Variants in HTR1A observed in about 807,000 individuals in gnomAD.
HTR1A encodes the protein 5-HT1a receptor.
Under a neutral mutation model 24.6 loss-of-function variants are expected in HTR1A, and 17 were observed. The ratio of observed to expected loss-of-function variants is 0.69; its 90% CI spans 0.47 to 1.04. The LOEUF is 1.04. Among genes scored for constraint, HTR1A ranks in the 50% least tolerant of loss-of-function variants. The pLI is 0.00. For synonymous variants in HTR1A, 262 were observed against 244.6 expected, an observed-to-expected ratio of 1.07 and a Z score of -0.67; for missense variants, 515 against 565.1, an observed-to-expected ratio of 0.91 and a Z score of 0.90.
rs1408926821 is a variant in HTR1A, at chr5:63,959,293, C to A, written c.*1158G>T. ...TTAAAGCCTTCTTGGTCTCTCCAAT[C>A]CCAAGAGTTCCGCGGCATCTTGCGC... is the stretch of plus-strand genomic sequence containing the variant. On this transcript the variant is annotated 3_prime_UTR_variant, in exon 1 of 1. Coordinates refer to ENST00000323865, the MANE Select transcript of HTR1A (RefSeq NM_000524.4). Among the ~76,000 whole-genome samples the A allele has an allele frequency of 6.6e-6, 1 of 152,242 alleles. No homozygotes were observed. The highest frequency in any genetic ancestry group is 1.5e-5 in the Non-Finnish European group (1 of 68,046).
At position 63,961,296 on chromosome 5, in the gene HTR1A, T is replaced by C; in HGVS notation, c.424A>G (p.Ile142Val). The C allele has an allele frequency of 1.2e-6, 2 of 1,614,106 alleles. No individual in the cohort carries two copies. Among genetic ancestry groups the C allele is most frequent in the Non-Finnish European group, 1.7e-6 (2 of 1,179,976 alleles). Residue 142 changes from isoleucine to valine, a missense_variant, in exon 1 of 1, where the codon ATC (isoleucine) becomes GTC (valine). Transcript: ENST00000323865. Reference protein sequence around the residue: ...LDRYWAITDPIDYVNKRTPRR... With the variant: ...LDRYWAITDPVDYVNKRTPRR... ...GGCGTCCTCTTGTTCACGTAGTCGA[T>C]GGGGTCCGTGATGGCCCAGTACCTG...
chr5:63,960,962 C>T lies in HTR1A; in HGVS notation c.758G>A (p.Ser253Asn), dbSNP rs147211774. Residue 253 changes from serine to asparagine, a missense_variant, in exon 1 of 1, where the codon AGT (serine) becomes AAT (asparagine). Around this residue, in one of 3 missense-constraint regions of HTR1A, gnomAD observed 381 missense variants for 384.5 expected, o/e 0.99. Transcript: ENST00000323865. Reference sequence around the variant, plus strand: ...CCTGCTCCCCGACTCTCCATTCACACTCTTCTTGGGCTGCGGGGCGGGAGA... The same window carrying T: ...CCTGCTCCCCGACTCTCCATTCACATTCTTCTTGGGCTGCGGGGCGGGAGA... ...GASPAPQPKK[S>N]VNGESGSRNW... 4 of 1,614,214 alleles carry T rather than the reference C, an allele frequency of 2.5e-6. No individual in the cohort carries two copies. Among genetic ancestry groups the T allele is most frequent in the Non-Finnish European group, 3.4e-6 (4 of 1,180,048 alleles).
In HTR1A at chr5:63,959,532, C is replaced by A. The variant is rs1746380460; in HGVS notation, c.*919G>T. Among the ~76,000 whole-genome samples, 1 of 152,242 alleles carries A rather than the reference C, an allele frequency of 6.6e-6. No individual in the cohort carries two copies. The highest frequency in any genetic ancestry group is 1.5e-5 in the Non-Finnish European group (1 of 68,036). The stretch of plus-strand genomic sequence containing the variant: ...GGCGCCTCCCGCAGTAAGTAAGTGG[C>A]GATGTCAGGTCGTACACACTCGCCA... On this transcript the variant is annotated 3_prime_UTR_variant, in exon 1 of 1. Coordinates refer to ENST00000323865, the MANE Select transcript of HTR1A (RefSeq NM_000524.4).
rs751883662 is a variant in HTR1A at position 63,961,131 on chromosome 5, T to C, written c.589A>G (p.Ile197Val). The C allele has an allele frequency of 1.2e-6, 2 of 1,614,156 alleles. No homozygotes were observed. The highest frequency in any genetic ancestry group is 1.7e-6 in the Non-Finnish European group (2 of 1,180,024). ...TAGAAAGCTCCAAAGGTGGAATAGA[T>C]AGTGTAGCCATGATCCTTGCTAATG... ...CTISKDHGYT[I>V]YSTFGAFYIP... The change falls in exon 1 of 1, where the codon ATC becomes GTC. Residue 197 changes from isoleucine to valine, a missense_variant. Ile to Val is a conservative substitution (Grantham distance 29). Around this residue, in one of 3 missense-constraint regions of HTR1A, gnomAD observed 381 missense variants for 384.5 expected, o/e 0.99. Transcript: ENST00000323865.
At position 63,961,297 on chromosome 5, in the gene HTR1A, G is replaced by A. The variant is rs113419974; in HGVS notation, c.423C>T (p.Pro141=). 4.7e-4 allele frequency: 751 copies of A among 1,614,136 alleles called. 4 individuals are homozygous for A. In the East Asian group the frequency reaches 0.012, roughly 25 times the overall value. The change falls in exon 1 of 1, where the codon CCC becomes CCT. Residue 141 remains proline, a synonymous_variant. Transcript: ENST00000323865. ...ALDRYWAITD[P]IDYVNKRTPR... ...GCGTCCTCTTGTTCACGTAGTCGATGGGGTCCGTGATGGCCCAGTACCTGT... is the reference window on the plus strand; with the variant it reads ...GCGTCCTCTTGTTCACGTAGTCGATAGGGTCCGTGATGGCCCAGTACCTGT...
In HTR1A at chr5:63,959,844, G is replaced by A. The variant is rs1279531859; in HGVS notation, c.*607C>T. Among the ~76,000 whole-genome samples the A allele has an allele frequency of 6.6e-6, 1 of 152,198 alleles. No homozygotes were observed. The highest frequency in any genetic ancestry group is 6.5e-5 in the Admixed American group (1 of 15,288). ...ATCCCGGGGGCACCGCTGGCACGGG[G>A]AAAAGCAGCCTCTTCCGCCTCTCCG... On this transcript the variant is annotated 3_prime_UTR_variant, in exon 1 of 1. Transcript: ENST00000323865.
At position 63,961,616 on chromosome 5, in the gene HTR1A, T is replaced by A. The variant is rs936239418; in HGVS notation, c.104A>T (p.Tyr35Phe). 30 of 1,613,836 alleles carry A rather than the reference T, an allele frequency of 1.9e-5. No individual in the cohort carries two copies. The highest frequency in any genetic ancestry group is 2.5e-5 in the Non-Finnish European group (29 of 1,180,028). The change falls in exon 1 of 1, where the codon TAC (tyrosine) becomes TTC (phenylalanine). Residue 35 changes from tyrosine (Y) to phenylalanine (F), a missense_variant. Transcript: ENST00000323865. ...CAGCAGCAGAGAGGTGATCACTTGG[T>A]AGCTGACGGTCACGTCGGAGATACC... ...TTGISDVTVS[Y>F]QVITSLLLGT...
At position 63,961,400 on chromosome 5, in the gene HTR1A, A is replaced by T; in HGVS notation, c.320T>A (p.Val107Glu). ...GAGGGCGATGAACAGGTCGCAGGTT[A>T]CCTGGCCCAGTGTCCACTTGTTGAG... ...QVLNKWTLGQVTCDLFIALDV... is the reference protein window; with the variant it reads ...QVLNKWTLGQETCDLFIALDV... The change falls in exon 1 of 1, where the codon GTA (valine) becomes GAA (glutamate). Residue 107 changes from valine to glutamate, a missense_variant. Coordinates refer to ENST00000323865, the MANE Select transcript of HTR1A (RefSeq NM_000524.4). 1 of 1,613,806 alleles carries T rather than the reference A, an allele frequency of 6.2e-7. No homozygotes were observed. The highest frequency in any genetic ancestry group is 8.5e-7 in the Non-Finnish European group (1 of 1,179,828).
Position 63,961,122 on chromosome 5 carries a change from T to C in HTR1A, c.598A>G (p.Thr200Ala). ...AGCGGGATGTAGAAAGCTCCAAAGG[T>C]GGAATAGATAGTGTAGCCATGATCC... is the stretch of plus-strand genomic sequence containing the variant. ...SKDHGYTIYS[T>A]FGAFYIPLLL... The change falls in exon 1 of 1, where the codon ACC becomes GCC. Residue 200 changes from threonine (T) to alanine (A), a missense_variant. Physicochemically the swap from Thr to Ala is moderately conservative, Grantham distance 58. This residue lies in a region of HTR1A where 381 missense variants were observed against 384.5 expected (regional missense o/e 0.99). Coordinates refer to ENST00000323865, the MANE Select transcript of HTR1A (RefSeq NM_000524.4). The C allele has an allele frequency of 6.2e-7, 1 of 1,613,908 alleles. No individual in the cohort carries two copies. The highest frequency in any genetic ancestry group is 2.2e-5 in the East Asian group (1 of 44,852).
rs1175917615 is a variant in HTR1A, at chr5:63,961,415, C to T, written c.305G>A (p.Trp102Ter). 1 of 1,613,738 alleles carries T rather than the reference C, an allele frequency of 6.2e-7. No individual in the cohort carries two copies. The highest frequency in any genetic ancestry group is 8.5e-7 in the Non-Finnish European group (1 of 1,179,874). The change falls in exon 1 of 1, where the codon TGG becomes TAG. Residue 102 changes from tryptophan to a stop codon, truncating the protein, a stop_gained. Coordinates refer to ENST00000323865, the MANE Select transcript of HTR1A (RefSeq NM_000524.4). LOFTEE classifies it high-confidence loss of function. Reference sequence around the variant, plus strand: ...GTCGCAGGTTACCTGGCCCAGTGTCCACTTGTTGAGCACCTGATACAGCGC... The same window carrying T: ...GTCGCAGGTTACCTGGCCCAGTGTCTACTTGTTGAGCACCTGATACAGCGC... The part of the protein sequence containing the change: ...MAALYQVLNK[W>*]TLGQVTCDLF...
rs1046748221 is a variant in HTR1A at position 63,959,510 on chromosome 5, G to T, written c.*941C>A. ...AGAGCGCAAACAGCGGCCGGCTGGC[G>T]CCTCCCGCAGTAAGTAAGTGGCGAT... On this transcript the variant is annotated 3_prime_UTR_variant, in exon 1 of 1. Coordinates refer to ENST00000323865, the MANE Select transcript of HTR1A (RefSeq NM_000524.4). 6.6e-6 allele frequency among the ~76,000 whole-genome samples: 1 copy of T among 152,208 alleles called. No homozygotes were observed. The highest frequency in any genetic ancestry group is 2.4e-5 in the African/African-American group (1 of 41,462).
At position 63,960,507 on chromosome 5, in the gene HTR1A, T is replaced by C; in HGVS notation, c.1213A>G (p.Lys405Glu). The C allele has an allele frequency of 6.2e-7, 1 of 1,614,154 alleles. No individual in the cohort carries two copies. The highest frequency in any genetic ancestry group is 8.5e-7 in the Non-Finnish European group (1 of 1,180,018). ...TTCTTAAACGCGTTTTGAAAGTCCT[T>C]GTTGAAGTATGCGTAAATGACGGGG... ...LNPVIYAYFNKDFQNAFKKII... is the reference protein window; with the variant it reads ...LNPVIYAYFNEDFQNAFKKII... Residue 405 changes from lysine (K) to glutamate (E), a missense_variant, in exon 1 of 1, where the codon AAG (lysine) becomes GAG (glutamate). Physicochemically the swap from Lys to Glu is moderately conservative, Grantham distance 56. Transcript: ENST00000323865.
Position 63,959,854 on chromosome 5 carries a change from C to T in HTR1A, c.*597G>A, listed in dbSNP as rs1429462832. Among the ~76,000 whole-genome samples, 1 of 152,192 alleles carries T rather than the reference C, an allele frequency of 6.6e-6. No homozygotes were observed. Among genetic ancestry groups the T allele is most frequent in the Non-Finnish European group, 1.5e-5 (1 of 68,040 alleles). On this transcript the variant is annotated 3_prime_UTR_variant, in exon 1 of 1. Transcript: ENST00000323865. Reference sequence around the variant, plus strand: ...CACCGCTGGCACGGGGAAAAGCAGCCTCTTCCGCCTCTCCGGACCAGCAGA... The same window carrying T: ...CACCGCTGGCACGGGGAAAAGCAGCTTCTTCCGCCTCTCCGGACCAGCAGA...
chr5:63,961,228 G>A lies in HTR1A; in HGVS notation c.492C>T (p.Gly164=), dbSNP rs1318610652. The stretch of plus-strand genomic sequence containing the variant: ...GCATGGGCGGGATAGAGATGAGGAA[G>A]CCAATAAGCCAAGTGAGCGAGATGA... ...AALISLTWLI[G]FLISIPPMLG... is the part of the protein sequence containing the mutation. The change falls in exon 1 of 1, where the codon GGC becomes GGT. Residue 164 remains glycine, a synonymous_variant. Coordinates refer to ENST00000323865, the MANE Select transcript of HTR1A (RefSeq NM_000524.4). The A allele has an allele frequency of 4.3e-6, 7 of 1,614,066 alleles. No homozygotes were observed. Among genetic ancestry groups the A allele is most frequent in the Middle Eastern group, 1.6e-4 (1 of 6,084 alleles).
Position 63,960,344 on chromosome 5 carries a change from A to C in HTR1A, c.*107T>G. 8.5e-7 allele frequency: 1 copy of C among 1,172,504 alleles called. No homozygotes were observed. Among genetic ancestry groups the C allele is most frequent in the Non-Finnish European group, 1.3e-6 (1 of 782,020 alleles). 72.6% of individuals were successfully genotyped at this position (1,172,504 alleles called of 1,614,324 possible). A position where few individuals can be genotyped will look rare whatever the true frequency, so the allele number is the denominator to read the frequency against. ...CAAGCCGTGAGCGGAGCAGAGAGAA[A>C]GAGGAGAAGTGGCGAATTATCTTAA... is the stretch of plus-strand genomic sequence containing the variant. On this transcript the variant is annotated 3_prime_UTR_variant, in exon 1 of 1. Transcript: ENST00000323865.
chr5:63,960,862 A>T lies in HTR1A; in HGVS notation c.858T>A (p.Asp286Glu), dbSNP rs199635945. Residue 286 changes from aspartate (D) to glutamate (E), a missense_variant, in exon 1 of 1, where the codon GAT becomes GAA. Transcript: ENST00000323865. ...CCTCGATCACCTCCAGGGCGGCGCC[A>T]TCGTCACCTTGCCTCACCGCGCCAT... ...CANGAVRQGD[D>E]GAALEVIEVH... 3 of 1,613,956 alleles carry T rather than the reference A, an allele frequency of 1.9e-6. No individual in the cohort carries two copies. Among genetic ancestry groups the T allele is most frequent in the Non-Finnish European group, 2.5e-6 (3 of 1,179,956 alleles).
At position 63,961,974 on chromosome 5, in the gene HTR1A, T is replaced by C; in HGVS notation, c.-255A>G. ...AAACTGGAGTTGGCCTGAAAGCAGC[T>C]CCAGGATCTCCCGGCGGCGGAGAGG... On this transcript the variant is annotated 5_prime_UTR_variant, in exon 1 of 1. Transcript: ENST00000323865. The C allele has an allele frequency of 1.8e-6, 1 of 561,550 alleles. No individual in the cohort carries two copies. The allele number at this position is 561,550 out of a possible 1,614,324, so 34.8% of individuals were successfully genotyped here. A position where few individuals can be genotyped will look rare whatever the true frequency, so the allele number is the denominator to read the frequency against.
At position 63,958,463 on chromosome 5, in the gene HTR1A, A is replaced by C. The variant is rs980844491; in HGVS notation, c.*1988T>G. Among the ~76,000 whole-genome samples the C allele has an allele frequency of 3.3e-5, 5 of 152,238 alleles. No individual in the cohort carries two copies. Among genetic ancestry groups the C allele is most frequent in the African/African-American group, 9.6e-5 (4 of 41,468 alleles). ...CTGTCCTTTCACTTTCTTAATTATA[A>C]ACAAATGAACTTTTCACTGGCAATT... On this transcript the variant is annotated 3_prime_UTR_variant, in exon 1 of 1. Coordinates refer to ENST00000323865, the MANE Select transcript of HTR1A (RefSeq NM_000524.4).
At position 63,960,169 on chromosome 5, in the gene HTR1A, G is replaced by A. The variant is rs1746394866; in HGVS notation, c.*282C>T. On this transcript the variant is annotated 3_prime_UTR_variant, in exon 1 of 1. Transcript: ENST00000323865. Reference sequence around the variant, plus strand: ...AGAAGAGAGAAGAGGCAATTACTGGGATCAAAACTGATGATACAGGCGAAG... The same window carrying A: ...AGAAGAGAGAAGAGGCAATTACTGGAATCAAAACTGATGATACAGGCGAAG... Among the ~76,000 whole-genome samples, 1 of 152,164 alleles carries A rather than the reference G, an allele frequency of 6.6e-6. No homozygotes were observed.
Sources: allele counts gnomAD v4.1 joint callset (sites outside exome capture counted in the v4.1 genomes callset), GRCh38; gene constraint gnomAD v4.1.1; regional missense constraint gnomAD v4.1.1; transcripts MANE v1.5; gene names NCBI Gene and HGNC (gene_info 2026-07-23, HGNC 2026-07-21).